Variants in CNBD2 observed in about 807,000 individuals in gnomAD.
The protein encoded by CNBD2 is cyclic nucleotide binding domain containing 2.
Under a neutral mutation model 63.7 loss-of-function variants are expected in CNBD2, and 64 were observed. The ratio of observed to expected loss-of-function variants is 1.00; its 90% CI spans 0.82 to 1.24. CNBD2 has a LOEUF of 1.24. Among genes scored for constraint, CNBD2 ranks in the 50% most tolerant of loss-of-function variants. CNBD2 has a pLI of 0.00. For synonymous variants in CNBD2, 229 were observed against 255.4 expected, an observed-to-expected ratio of 0.90 and a Z score of 0.99; for missense variants, 691 against 713.5, an observed-to-expected ratio of 0.97 and a Z score of 0.36.
intron 2 of CNBD2, among the ~76,000 whole-genome samples, chr20:35,975,592 G>A (rs11906960): frequency 0.041 from 6,228 of 152,114 alleles, 403 homozygotes; most frequent in African/African-American, 0.14. Context: ...GAGCCACCGC[G>A]CCCAGCCTGT....
chr20:35,980,425 G>C (rs953507073), intron 3 of CNBD2, 34 bp from the exon 4 acceptor site: 2 of 1,610,330 alleles, frequency 1.2e-6, no homozygotes, highest in South Asian at 2.2e-5. Context: ...GAAATTGCTG[G>C]GTCCCCTGTA....
intron 3 of CNBD2, among the ~76,000 whole-genome samples, chr20:35,976,590 TAA>T (rs2056522631): frequency 6.6e-6 from 1 of 152,160 alleles, no homozygotes; most frequent in Non-Finnish European, 1.5e-5. Flanking sequence ...GCCCCCTCTC[TAA>T]AAAAGAGTCC....
chr20:36,019,529 G>GAAAAAAAA (rs60556168), intron 10 of CNBD2, among the ~76,000 whole-genome samples: 25 of 71,692 alleles, frequency 3.5e-4, no homozygotes, highest in East Asian at 1.3e-3. Context: ...CTCAAAAAAA[G>GAAAAAAAA]AAAAAAAAAA....
chr20:35,984,777 A>T lies in CNBD2; in HGVS notation c.715A>T (p.Arg239Trp), dbSNP rs776671841. 9 of 1,613,952 alleles carry T rather than the reference A, an allele frequency of 5.6e-6. No homozygotes were observed. The highest frequency in any genetic ancestry group is 7.6e-6 in the Non-Finnish European group (9 of 1,179,964). The part of the protein sequence containing the change: ...KDAQYRFEFF[R>W]KMELFASWSD... ...TGCTCAGTATCGGTTTGAATTTTTT[A>T]GGTAACTCTGCCTTCATTCAACATT... Residue 239 changes from arginine (R) to tryptophan (W), a missense_variant and splice_region_variant, in exon 6 of 12, where the codon AGG becomes TGG. Arg to Trp is a moderately radical substitution (Grantham distance 101). Coordinates refer to ENST00000373973, the MANE Select transcript of CNBD2 (RefSeq NM_001365709.1).
In CNBD2 at chr20:35,995,137, A is replaced by G. The variant is rs568684010; in HGVS notation, c.955A>G (p.Lys319Glu). ...HLELIDGRPLKTHLSEYSPME... is the reference protein window; with the variant it reads ...HLELIDGRPLETHLSEYSPME... ...GGAGCTGATAGATGGCAGACCTCTG[A>G]AGACCCACCTGAGTGGTAAGCTGCC... The change falls in exon 8 of 12, where the codon AAG becomes GAG. Residue 319 changes from lysine (K) to glutamate (E), a missense_variant. Physicochemically the swap from Lys to Glu is moderately conservative, Grantham distance 56 (BLOSUM62 1). Coordinates refer to ENST00000373973, the MANE Select transcript of CNBD2 (RefSeq NM_001365709.1). The G allele has an allele frequency of 3.1e-6, 5 of 1,613,510 alleles. No individual in the cohort carries two copies. In the South Asian group the frequency reaches 5.5e-5, roughly 18 times the overall value.
chr20:35,976,996 C>T (rs1331174092), intron 3 of CNBD2, among the ~76,000 whole-genome samples: 1 of 152,278 alleles, frequency 6.6e-6, no homozygotes, highest in African/African-American at 2.4e-5. Flanking sequence ...CGTGCCCCCT[C>T]GTGTATGAAG....
At chr20:36,009,505 C>A (rs913435716) in intron 9 of CNBD2, among the ~76,000 whole-genome samples, 4 of 151,552 alleles carry the variant, frequency 2.6e-5, no homozygotes, top group African/African-American at 9.7e-5. Context: ...CCCAACCGAC[C>A]CTATCTCTTA....
intron 10 of CNBD2, among the ~76,000 whole-genome samples, chr20:36,012,332 G>T (rs1234634224): frequency 6.6e-6 from 1 of 150,800 alleles, no homozygotes; most frequent in African/African-American, 2.4e-5. Flanking sequence ...AAACCAAAAA[G>T]CCAGGTATGG....
chr20:35,972,004 C>T (rs1189208308), intron 1 of CNBD2, among the ~76,000 whole-genome samples: 1 of 152,144 alleles, frequency 6.6e-6, no homozygotes, highest in Non-Finnish European at 1.5e-5. Flanking sequence ...TCTATGGCTG[C>T]CATAACAAAT....
intron 7 of CNBD2, among the ~76,000 whole-genome samples, chr20:35,991,495 T>C (rs2147263410): frequency 6.6e-6 from 1 of 152,318 alleles, no homozygotes; most frequent in South Asian, 2.1e-4. Context: ...CTTCTCCTCC[T>C]TGATATTTGC....
intron 8 of CNBD2, among the ~76,000 whole-genome samples, chr20:36,004,149 G>T (rs777969606): frequency 1.3e-5 from 2 of 152,258 alleles, no homozygotes; most frequent in South Asian, 4.1e-4. Flanking sequence ...CCTGTTAGAC[G>T]TGAGCCCAAC....
chr20:36,006,591 A>G (rs1161699206), intron 8 of CNBD2, among the ~76,000 whole-genome samples: 1 of 151,962 alleles, frequency 6.6e-6, no homozygotes, highest in Non-Finnish European at 1.5e-5. Context: ...TAATTTTTGT[A>G]TGTTTTGTAG....
intron 10 of CNBD2, among the ~76,000 whole-genome samples, chr20:36,021,645 G>A (rs1435963912): frequency 2.0e-5 from 3 of 152,072 alleles, no homozygotes; most frequent in African/African-American, 2.4e-5. Flanking sequence ...GCCACTAACC[G>A]TTCCTGCCCC....
intron 2 of CNBD2, among the ~76,000 whole-genome samples, chr20:35,975,173 T>G (rs1418115493): frequency 6.0e-5 from 8 of 133,252 alleles, no homozygotes; most frequent in African/African-American, 1.8e-4. Flanking sequence ...GGCTAATTTT[T>G]TGTATTTTTA....
intron 2 of CNBD2, 52 bp from the exon 3 acceptor site, chr20:35,975,897 C>A: frequency 1.3e-6 from 2 of 1,540,520 alleles, no homozygotes; most frequent in African/African-American, 1.4e-5. Context: ...ATGCAAAGTT[C>A]TAGGGGCAGT....
chr20:36,022,831 G>A (rs896627100), intron 10 of CNBD2, among the ~76,000 whole-genome samples: 2 of 150,262 alleles, frequency 1.3e-5, no homozygotes, highest in African/African-American at 4.9e-5. Flanking sequence ...TGTTGCCCAG[G>A]CTGGTCTCAA....
chr20:36,023,810 A>G, intron 11 of CNBD2, 39 bp downstream of exon 11: 1 of 1,510,630 alleles, frequency 6.6e-7, no homozygotes, highest in Non-Finnish European at 8.9e-7. Context: ...ATCAGGTGAA[A>G]TGAACAATTT....
At chr20:36,005,541 A>C (rs1475743150) in intron 8 of CNBD2, among the ~76,000 whole-genome samples, 1 of 152,296 alleles carries the variant, frequency 6.6e-6, no homozygotes, top group East Asian at 1.9e-4. Context: ...CATACATTTA[A>C]AACATTGGTA....
chr20:35,966,038 C>T (rs947087388), upstream of CNBD2, among the ~76,000 whole-genome samples: 31 of 152,300 alleles, frequency 2.0e-4, no homozygotes, highest in African/African-American at 7.0e-4. Context: ...GGACACCCTT[C>T]CTGCCTATAG....
Sources: gnomAD v4.1 joint callset for allele counts (sites outside exome capture counted in the v4.1 genomes callset) on GRCh38, gnomAD v4.1.1 for gene constraint, MANE v1.5 for transcripts, NCBI Gene and HGNC (gene_info 2026-07-23, HGNC 2026-07-21) for gene names.